The following CLYBL variants were observed in gnomAD, a reference collection of about 807,000 sequenced individuals.
The protein encoded by CLYBL is citramalyl-CoA lyase, mitochondrial.
CLYBL carries 31 observed loss-of-function variants against 38.9 expected under a neutral mutation model. The observed-to-expected ratio is 0.80, with a 90% CI of 0.60 to 1.08. The LOEUF is 1.08. Ranked by LOEUF, CLYBL falls within the 50% of genes least tolerant of loss-of-function variation. CLYBL has a pLI of 0.00. For missense variants in CLYBL, 434 were observed against 411.6 expected (o/e 1.05, Z -0.47); for synonymous variants, 171 against 158.6 (o/e 1.08, Z -0.59).
intron 1 of CLYBL, among the ~76,000 whole-genome samples, chr13:99,639,804 G>T (rs1201720197): frequency 2.0e-5 from 3 of 152,210 alleles, no homozygotes; most frequent in Non-Finnish European, 4.4e-5. Context: ...GGCTGAGGCA[G>T]GACAACCACT....
chr13:99,627,461 A>C (rs1271770829), intron 1 of CLYBL, among the ~76,000 whole-genome samples: 2 of 152,190 alleles, frequency 1.3e-5, no homozygotes, highest in Non-Finnish European at 2.9e-5. Context: ...TAAGCCTATG[A>C]CAAATGGTCT....
At chr13:99,860,224 T>C (rs764376222) in intron 3 of CLYBL, among the ~76,000 whole-genome samples, 13 of 152,208 alleles carry the variant, frequency 8.5e-5, no homozygotes, top group African/African-American at 1.2e-4. Context: ...ATTTTTATAT[T>C]GATTACACAT....
At chr13:99,733,426 T>C (rs1217036450) in intron 1 of CLYBL, among the ~76,000 whole-genome samples, 1 of 152,238 alleles carries the variant, frequency 6.6e-6, no homozygotes, top group African/African-American at 2.4e-5. Flanking sequence ...CATTTTATTG[T>C]CAAAATTATT....
In CLYBL at chr13:99,802,023, C is replaced by G. The variant is rs959017079; in HGVS notation, c.249+29013C>G. Among the ~76,000 whole-genome samples the G allele has an allele frequency of 2.0e-5, 3 of 151,832 alleles. No homozygotes were observed. The East Asian group carries it at 5.8e-4, about 29-fold the overall frequency. On this transcript the variant is annotated intron_variant, in intron 2 of 8. Coordinates refer to ENST00000339105, the MANE Select transcript of CLYBL (RefSeq NM_206808.5). ...AAGAGTGAAACTCCATCTCAAAAAA[C>G]AAAAAAACAAAAAAACACACATCAC...
intron 1 of CLYBL, among the ~76,000 whole-genome samples, chr13:99,650,198 G>A (rs2047231893): frequency 6.6e-6 from 1 of 151,384 alleles, no homozygotes; most frequent in African/African-American, 2.4e-5. Flanking sequence ...AGGAGGTGGA[G>A]CTTGCAGTGA....
chr13:99,807,745 C>G (rs1819118435), intron 2 of CLYBL, among the ~76,000 whole-genome samples: 2 of 152,156 alleles, frequency 1.3e-5, no homozygotes, highest in South Asian at 4.2e-4. Flanking sequence ...GATAAATGTA[C>G]TTACTGCCAG....
At chr13:99,864,786 G>C in intron 4 of CLYBL, 32 bp from the exon 5 acceptor site, 3 of 1,502,342 alleles carry the variant, frequency 2.0e-6, no homozygotes, top group Non-Finnish European at 1.9e-6. Flanking sequence ...ACGCGTTTCC[G>C]TGAGACTTAG....
At chr13:99,871,362 G>A (rs2051892208) in intron 7 of CLYBL, among the ~76,000 whole-genome samples, 1 of 152,142 alleles carries the variant, frequency 6.6e-6, no homozygotes, top group African/African-American at 2.4e-5. Context: ...CTTCTATGCA[G>A]CATTCATATG....
At chr13:99,673,041 G>A (rs1452313311) in intron 1 of CLYBL, among the ~76,000 whole-genome samples, 1 of 152,126 alleles carries the variant, frequency 6.6e-6, no homozygotes, top group Non-Finnish European at 1.5e-5. Flanking sequence ...CAATTCAGCA[G>A]GCTGATGGTA....
At chr13:99,712,986 T>C (rs2048258168) in intron 1 of CLYBL, among the ~76,000 whole-genome samples, 1 of 152,194 alleles carries the variant, frequency 6.6e-6, no homozygotes, top group Non-Finnish European at 1.5e-5. Context: ...TTAAATGTTT[T>C]TGAGGCTATA....
At chr13:99,773,150 TA>T (rs1283898872) in intron 2 of CLYBL, 140 bp downstream of exon 2, 2 of 709,158 alleles carry the variant, frequency 2.8e-6, no homozygotes, top group African/African-American at 3.6e-5. Context: ...GATCTGCTTT[TA>T]TATAGGTTCT....
At chr13:99,704,994 A>G (rs932950846) in intron 1 of CLYBL, among the ~76,000 whole-genome samples, 1 of 152,166 alleles carries the variant, frequency 6.6e-6, no homozygotes, top group Admixed American at 6.5e-5. Flanking sequence ...TCTATTTACA[A>G]CATTATGTTT....
chr13:99,764,980 T>C (rs77054422), intron 1 of CLYBL, among the ~76,000 whole-genome samples: 4,326 of 152,238 alleles, frequency 0.028, 102 homozygotes, highest in South Asian at 0.084. Context: ...TGAGCCACCA[T>C]GCCCAACCCT....
At chr13:99,875,115 G>T (rs1197695748) in intron 7 of CLYBL, among the ~76,000 whole-genome samples, 1 of 152,164 alleles carries the variant, frequency 6.6e-6, no homozygotes, top group African/African-American at 2.4e-5. Flanking sequence ...TCACAAGTTG[G>T]CTAAAGACTG....
At chr13:99,792,618 A>G (rs1021363416) in intron 2 of CLYBL, among the ~76,000 whole-genome samples, 1 of 135,354 alleles carries the variant, frequency 7.4e-6, no homozygotes, top group Non-Finnish European at 1.6e-5. Flanking sequence ...CAACTGGGCC[A>G]TGCTCTTTGA....
chr13:99,873,987 C>G (rs539472327), intron 7 of CLYBL, among the ~76,000 whole-genome samples: 1 of 152,326 alleles, frequency 6.6e-6, no homozygotes, highest in East Asian at 1.9e-4. Flanking sequence ...CTCATATCAT[C>G]TGTCCCTGTT....
chr13:99,805,305 A>C (rs1444164939), intron 2 of CLYBL, among the ~76,000 whole-genome samples: 1 of 152,118 alleles, frequency 6.6e-6, no homozygotes, highest in African/African-American at 2.4e-5. Context: ...ATCATCCGGT[A>C]GTTCTTTGTT....
At chr13:99,824,655 CCTTTT>C (rs1411032312) in intron 2 of CLYBL, among the ~76,000 whole-genome samples, 6 of 152,132 alleles carry the variant, frequency 3.9e-5, no homozygotes, top group Non-Finnish European at 4.4e-5. Context: ...TGTTGTCTTG[CCTTTT>C]CTTTTCCTCT....
intron 2 of CLYBL, among the ~76,000 whole-genome samples, chr13:99,816,804 C>T (rs891969528): frequency 1.3e-5 from 2 of 152,198 alleles, no homozygotes; most frequent in East Asian, 3.8e-4. Flanking sequence ...TTATAAGCCA[C>T]CCAGTCTATG....
Sources: allele counts gnomAD v4.1 joint callset (sites outside exome capture counted in the v4.1 genomes callset), GRCh38; gene constraint gnomAD v4.1.1; transcripts MANE v1.5; gene names NCBI Gene and HGNC (gene_info 2026-07-23, HGNC 2026-07-21).